Variants in SBNO1 observed in about 807,000 individuals in gnomAD.
SBNO1 encodes the protein protein strawberry notch homolog 1.
Under a neutral mutation model 173.6 loss-of-function variants are expected in SBNO1, and 23 were observed. The ratio of observed to expected loss-of-function variants is 0.13; its 90% CI spans 0.10 to 0.19. SBNO1 has a LOEUF of 0.19. Ranked by LOEUF, SBNO1 falls within the 10% of genes least tolerant of loss-of-function variation. The pLI is 1.00. For missense variants in SBNO1, 1,238 were observed against 1,671.2 expected, an observed-to-expected ratio of 0.74 and a Z score of 4.52; for synonymous variants, 632 against 571.5, an observed-to-expected ratio of 1.11 and a Z score of -1.51.
In SBNO1 at chr12:123,319,990, T is replaced by G. The variant is rs769361913; in HGVS notation, c.2709A>C (p.Gly903=). The G allele has an allele frequency of 6.2e-7, 1 of 1,614,040 alleles. No individual in the cohort carries two copies. Among genetic ancestry groups the G allele is most frequent in the South Asian group, 1.1e-5 (1 of 91,082 alleles). ...RKGRVVSNDD[G]SISYESRSEL... ...CAGATCTTGACTCATAAGATATGCT[T>G]CCATCATCATTGCTCACAACCCGTC... The change falls in exon 20 of 32, where the codon GGA becomes GGC. Residue 903 remains glycine, a synonymous_variant. Transcript: ENST00000602398.
intron 19 of SBNO1, 49 bp from the exon 20 acceptor site, chr12:123,320,080 G>A: frequency 6.2e-7 from 1 of 1,604,636 alleles, no homozygotes; most frequent in Non-Finnish European, 8.5e-7. Flanking sequence ...GACTGCGGTG[G>A]ATGGACTCAG....
chr12:123,305,534 G>A (rs1383919317), intron 28 of SBNO1, among the ~76,000 whole-genome samples: 5 of 152,104 alleles, frequency 3.3e-5, no homozygotes, highest in South Asian at 2.1e-4. Flanking sequence ...GCACAAGGGC[G>A]CGATCTCGGC....
Position 123,315,571 on chromosome 12 carries a change from C to T in SBNO1, c.3025G>A (p.Val1009Ile). The T allele has an allele frequency of 1.9e-6, 3 of 1,612,804 alleles. No individual in the cohort carries two copies. The highest frequency in any genetic ancestry group is 1.1e-5 in the South Asian group (1 of 91,058). The stretch of plus-strand genomic sequence containing the variant: ...ACCAAACTCTCAAGTCTTTTAGCAA[C>T]AATAGATGCAAATCTTTGTTCTCCT... ...LAGEQRFASIVAKRLESLGAL... is the reference protein window; with the variant it reads ...LAGEQRFASIIAKRLESLGAL... Residue 1009 changes from valine to isoleucine, a missense_variant, in exon 22 of 32, where the codon GTT becomes ATT. This residue lies in a region of SBNO1 where 39 missense variants were observed against 129.7 expected (regional missense o/e 0.30). Coordinates refer to ENST00000602398, the MANE Select transcript of SBNO1 (RefSeq NM_001167856.3).
At chr12:123,322,164 T>A (rs1870053991) in intron 16 of SBNO1, among the ~76,000 whole-genome samples, 1 of 152,186 alleles carries the variant, frequency 6.6e-6, no homozygotes, top group Admixed American at 6.6e-5. Context: ...AGACAGGGCC[T>A]CACTGTTGCC....
At chr12:123,352,573 G>A (rs1874003238) in intron 1 of SBNO1, among the ~76,000 whole-genome samples, 1 of 152,142 alleles carries the variant, frequency 6.6e-6, no homozygotes, top group Non-Finnish European at 1.5e-5. Flanking sequence ...ATTACAGGCC[G>A]TGAGCCACTG....
At chr12:123,355,340 AAAAT>A (rs140895940) in intron 1 of SBNO1, among the ~76,000 whole-genome samples, 79,868 of 151,458 alleles carry the variant, frequency 0.53, 25,155 homozygotes, top group East Asian at 0.7. Flanking sequence ...TCTTAACAAT[AAAAT>A]AAAAAATAAT....
At chr12:123,343,537 C>CTTTTT (rs58841947) in intron 4 of SBNO1, among the ~76,000 whole-genome samples, 1 of 135,484 alleles carries the variant, frequency 7.4e-6, no homozygotes, top group Non-Finnish European at 1.6e-5. Flanking sequence ...CACTTACCAT[C>CTTTTT]TTTTTTTTTT....
chr12:123,313,563 T>G, intron 24 of SBNO1, 57 bp downstream of exon 24: 1 of 922,388 alleles, frequency 1.1e-6, no homozygotes, highest in East Asian at 2.5e-5. Flanking sequence ...TACAACAGGT[T>G]TGAGTACATC....
At position 123,293,206 on chromosome 12, in the gene SBNO1, A is replaced by G. The variant is rs2048537216; in HGVS notation, c.*2702T>C. On this transcript the variant is annotated 3_prime_UTR_variant, in exon 32 of 32. Coordinates refer to ENST00000602398, the MANE Select transcript of SBNO1 (RefSeq NM_001167856.3). ...TTTAGATCCTGCAATGAATGGACCT[A>G]TTTTACAGAAGTCAGCGGCAAATTT... 6.6e-6 allele frequency: 1 copy of G among 152,168 alleles called. No individual in the cohort carries two copies. The highest frequency in any genetic ancestry group is 1.5e-5 in the Non-Finnish European group (1 of 68,044). The allele number at this position is 152,168 out of a possible 1,614,324, so 9.4% of individuals were successfully genotyped here.
intron 1 of SBNO1, among the ~76,000 whole-genome samples, chr12:123,352,747 A>C (rs1456997341): frequency 6.6e-6 from 1 of 152,206 alleles, no homozygotes. Context: ...AGATACCCAG[A>C]ATGAAAGAGG....
Position 123,311,655 on chromosome 12 carries a change from G to A in SBNO1, c.3221-526C>T, listed in dbSNP as rs537213686. On this transcript the variant is annotated intron_variant, in intron 24 of 31. Transcript: ENST00000602398. Reference sequence around the variant, plus strand: ...CAGGTGTGAGCCACTGCGCCCAGCTGCAAGATTACTGTCATTACTTATAAT... The same window carrying A: ...CAGGTGTGAGCCACTGCGCCCAGCTACAAGATTACTGTCATTACTTATAAT... 2.9e-5 allele frequency among the ~76,000 whole-genome samples: 4 copies of A among 136,836 alleles called. No individual in the cohort carries two copies. The South Asian group carries it at 9.4e-4, about 32-fold the overall frequency. The allele number at this position is 136,836 out of a possible 152,430, so 89.8% of individuals were successfully genotyped here.
In SBNO1 at chr12:123,328,763, G is replaced by A. The variant is rs781451041; in HGVS notation, c.1267C>T (p.His423Tyr). 1 of 1,596,414 alleles carries A rather than the reference G, an allele frequency of 6.3e-7. No individual in the cohort carries two copies. Among genetic ancestry groups the A allele is most frequent in the Admixed American group, 1.7e-5 (1 of 58,652 alleles). The change falls in exon 10 of 32, where the codon CAT (histidine) becomes TAT (tyrosine). Residue 423 changes from histidine (H) to tyrosine (Y), a missense_variant. Transcript: ENST00000602398. ...CCATCGAAGTCATCACCGCACCAAT[G>A]CAGAAGTTGTTTTAACCTAGTTTTA... is the stretch of plus-strand genomic sequence containing the variant. ...KYKTRLKQLL[H>Y]WCGDDFDGVI...
At position 123,331,296 on chromosome 12, in the gene SBNO1, G is replaced by A. The variant is rs1280372720; in HGVS notation, c.989C>T (p.Thr330Met). 1.9e-6 allele frequency: 3 copies of A among 1,613,830 alleles called. No homozygotes were observed. Among genetic ancestry groups the A allele is most frequent in the East Asian group, 2.2e-5 (1 of 44,870 alleles). The change falls in exon 8 of 32, where the codon ACG (threonine) becomes ATG (methionine). Residue 330 changes from threonine (T) to methionine (M), a missense_variant. Coordinates refer to ENST00000602398, the MANE Select transcript of SBNO1 (RefSeq NM_001167856.3). ...GDGAGVGKGR[T>M]IAGIIYENYL... ...ATTTTCATAGATGATTCCTGCTATC[G>A]TCCTTCCTTTTCCTACACCGGCACC...
At chr12:123,303,976 G>A (rs924361169) in intron 29 of SBNO1, among the ~76,000 whole-genome samples, 1 of 131,356 alleles carries the variant, frequency 7.6e-6, no homozygotes, top group Non-Finnish European at 1.5e-5. Flanking sequence ...TCCCTGGCTG[G>A]AGTGCAGTGG....
At position 123,339,615 on chromosome 12, in the gene SBNO1, C is replaced by A. The variant is rs527941176; in HGVS notation, c.651+1373G>T. Among the ~76,000 whole-genome samples the A allele has an allele frequency of 9.9e-5, 15 of 152,048 alleles. No homozygotes were observed. The South Asian group carries it at 2.9e-3, about 29-fold the overall frequency. ...CAGCCTGGCCAATGTGGTAAAACCC[C>A]GTCTCTACTAAAAACACAAAAATTA... is the stretch of plus-strand genomic sequence containing the variant. On this transcript the variant is annotated intron_variant, in intron 5 of 31. Transcript: ENST00000602398.
intron 5 of SBNO1, among the ~76,000 whole-genome samples, chr12:123,336,747 C>T (rs1041466988): frequency 2.0e-5 from 3 of 152,196 alleles, no homozygotes; most frequent in South Asian, 2.1e-4. Context: ...CGGCCACCAT[C>T]GTGTCAAGCT....
chr12:123,293,750 C>T lies in SBNO1; in HGVS notation c.*2158G>A, dbSNP rs1031188092. ...GCTGCATGCTAAGAATCCTCATATG[C>T]TGCTTTGAAAACGCCATAAAAAACT... On this transcript the variant is annotated 3_prime_UTR_variant, in exon 32 of 32. Transcript: ENST00000602398. 2.6e-5 allele frequency: 4 copies of T among 152,224 alleles called. No homozygotes were observed. Among genetic ancestry groups the T allele is most frequent in the Non-Finnish European group, 4.4e-5 (3 of 68,052 alleles). The allele number at this position is 152,224 out of a possible 1,614,324, so 9.4% of individuals were successfully genotyped here.
At chr12:123,304,212 T>C (rs1230367735) in intron 29 of SBNO1, among the ~76,000 whole-genome samples, 1 of 152,066 alleles carries the variant, frequency 6.6e-6, no homozygotes, top group African/African-American at 2.4e-5. Context: ...ATTACAGGCG[T>C]GAGCCACTGT....
In SBNO1 at chr12:123,298,117, A is replaced by G. The variant is rs760704532; in HGVS notation, c.3900T>C (p.Arg1300=). The change falls in exon 31 of 32, where the codon CGT becomes CGC. Residue 1300 remains arginine (R), a synonymous_variant. Transcript: ENST00000602398. ...CACATAATACATAATATGTACGGCA[A>G]CGAAGACCTATTTCACAAACTAGCC... is the stretch of plus-strand genomic sequence containing the variant. ...SLGLVCEIGL[R]CRTYYVLCGS... 1.9e-6 allele frequency: 3 copies of G among 1,611,294 alleles called. No homozygotes were observed. Among genetic ancestry groups the G allele is most frequent in the South Asian group, 1.1e-5 (1 of 89,922 alleles).
Sources: gnomAD v4.1 joint callset for allele counts (sites outside exome capture counted in the v4.1 genomes callset) on GRCh38, gnomAD v4.1.1 for gene constraint, gnomAD v4.1.1 regional missense constraint, MANE v1.5 for transcripts, NCBI Gene and HGNC (gene_info 2026-07-23, HGNC 2026-07-21) for gene names.